The following PTPRT variants were observed in gnomAD, a reference collection of about 807,000 sequenced individuals.
PTPRT encodes protein tyrosine phosphatase receptor type T, also known as receptor-type tyrosine-protein phosphatase T.
In PTPRT, 56 loss-of-function variants were observed where a neutral mutation model predicts 176.8. The ratio of observed to expected loss-of-function variants is 0.32; its 90% CI spans 0.26 to 0.40. The LOEUF is 0.40. Among genes scored for constraint, PTPRT ranks in the 10% least tolerant of loss-of-function variants. PTPRT has a pLI of 1.00. For synonymous variants in PTPRT, 783 were observed against 739.0 expected (o/e 1.06, Z -0.96); for missense variants, 1,540 against 1,908.2 (o/e 0.81, Z 3.60).
At chr20:42,742,372 C>T (rs557761728) in intron 6 of PTPRT, among the ~76,000 whole-genome samples, 7 of 152,320 alleles carry the variant, frequency 4.6e-5, no homozygotes, top group African/African-American at 1.7e-4. Flanking sequence ...CCCGCCCTCA[C>T]GGGTTGGACA....
intron 1 of PTPRT, among the ~76,000 whole-genome samples, chr20:42,970,352 A>T (rs952034766): frequency 6.6e-6 from 1 of 152,234 alleles, no homozygotes; most frequent in African/African-American, 2.4e-5. Flanking sequence ...TTGCGCTTTT[A>T]CAATGAGAAG....
chr20:42,740,058 C>T (rs923318558), intron 6 of PTPRT, among the ~76,000 whole-genome samples: 3 of 152,272 alleles, frequency 2.0e-5, no homozygotes, highest in South Asian at 4.2e-4. Context: ...GAATCGGACG[C>T]TCAACCCTGT....
At chr20:42,094,200 A>G (rs1883379) in intron 27 of PTPRT, among the ~76,000 whole-genome samples, 13,566 of 152,230 alleles carry the variant, frequency 0.089, 1,135 homozygotes, top group African/African-American at 0.22. Flanking sequence ...AAAAGAGAAG[A>G]GCAAACAGGG....
chr20:42,041,158 T>C, the PTPRT span, among the ~76,000 whole-genome samples: 1 of 152,212 alleles, frequency 6.6e-6, no homozygotes. Flanking sequence ...CTGCTGTCCA[T>C]AGATTGCTGG....
intron 11 of PTPRT, among the ~76,000 whole-genome samples, chr20:42,346,323 G>A (rs2058194282): frequency 6.6e-6 from 1 of 152,172 alleles, no homozygotes; most frequent in Non-Finnish European, 1.5e-5. Flanking sequence ...ACTAATTCAT[G>A]GCTAAGTTAC....
intron 1 of PTPRT, among the ~76,000 whole-genome samples, chr20:42,982,627 G>T (rs186715168): frequency 2.0e-5 from 3 of 151,524 alleles, no homozygotes; most frequent in Non-Finnish European, 2.9e-5. Context: ...TAGATGGATC[G>T]AAAGGGGAGG....
intron 7 of PTPRT, among the ~76,000 whole-genome samples, chr20:42,676,052 CT>C (rs1482212372): frequency 6.6e-6 from 1 of 152,210 alleles, no homozygotes; most frequent in East Asian, 1.9e-4. Context: ...TCTACAGGCA[CT>C]TTTTCTGCAG....
At chr20:42,086,321 C>A (rs981243422) in intron 27 of PTPRT, among the ~76,000 whole-genome samples, 2 of 152,146 alleles carry the variant, frequency 1.3e-5, no homozygotes, top group African/African-American at 4.8e-5. Flanking sequence ...TCAGTTTCCC[C>A]TTTAGGGAGC....
At chr20:42,432,837 T>C (rs1215159806) in intron 9 of PTPRT, among the ~76,000 whole-genome samples, 3 of 152,168 alleles carry the variant, frequency 2.0e-5, no homozygotes, top group East Asian at 3.9e-4. Context: ...CAAACTAATA[T>C]ATACCTTCCA....
chr20:42,908,197 A>G (rs1206634911), intron 1 of PTPRT, among the ~76,000 whole-genome samples: 5 of 152,124 alleles, frequency 3.3e-5, no homozygotes, highest in Non-Finnish European at 7.4e-5. Context: ...TGTCCAGCCC[A>G]CGACCATGTG....
At chr20:42,301,385 T>A (rs914566644) in intron 12 of PTPRT, among the ~76,000 whole-genome samples, 2 of 152,060 alleles carry the variant, frequency 1.3e-5, no homozygotes, top group Non-Finnish European at 2.9e-5. Flanking sequence ...GTCAAGGGCA[T>A]AAAAGTCAAG....
intron 1 of PTPRT, among the ~76,000 whole-genome samples, chr20:42,979,711 C>T (rs1038598474): frequency 1.3e-5 from 2 of 152,036 alleles, no homozygotes; most frequent in African/African-American, 4.8e-5. Flanking sequence ...ATTCTAAATC[C>T]CCTTATCCTA....
chr20:42,243,807 G>A (rs936783378), intron 14 of PTPRT, among the ~76,000 whole-genome samples: 1 of 152,066 alleles, frequency 6.6e-6, no homozygotes, highest in Non-Finnish European at 1.5e-5. Flanking sequence ...TGATCTTTTC[G>A]AACTTCAGTT....
At position 42,500,166 on chromosome 20, in the gene PTPRT, C is replaced by T. The variant is rs1437069471; in HGVS notation, c.1154-27604G>A. 2.6e-5 allele frequency among the ~76,000 whole-genome samples: 4 copies of T among 151,560 alleles called. No individual in the cohort carries two copies. In the East Asian group the frequency reaches 5.8e-4, roughly 22 times the overall value. On this transcript the variant is annotated intron_variant, in intron 7 of 30. Transcript: ENST00000373187. ...TTTGATATATGTTTTATTTTTGTTG[C>T]TACTGTAAATGGTGTTTTTAAACTT...
At chr20:42,405,672 T>C (rs950216884) in intron 9 of PTPRT, among the ~76,000 whole-genome samples, 4 of 152,214 alleles carry the variant, frequency 2.6e-5, no homozygotes, top group African/African-American at 9.6e-5. Flanking sequence ...TGTGTTTTTA[T>C]AGCAGCATGA....
chr20:42,341,665 A>C (rs2058113186), intron 11 of PTPRT, among the ~76,000 whole-genome samples: 2 of 152,194 alleles, frequency 1.3e-5, no homozygotes, highest in South Asian at 4.2e-4. Flanking sequence ...CCTGGATGCT[A>C]ATGACTCCCA....
intron 1 of PTPRT, among the ~76,000 whole-genome samples, chr20:42,973,569 T>A (rs57237725): frequency 0.038 from 5,727 of 152,216 alleles, 382 homozygotes; most frequent in African/African-American, 0.13. Flanking sequence ...GTAAACTCTC[T>A]GTGCAGCGAC....
chr20:43,011,759 C>T (rs1379250574), intron 1 of PTPRT, among the ~76,000 whole-genome samples: 1 of 152,106 alleles, frequency 6.6e-6, no homozygotes, highest in Non-Finnish European at 1.5e-5. Context: ...AGGGTGTTGC[C>T]AAAGGAGATC....
chr20:42,718,161 T>C (rs2076253579), intron 6 of PTPRT, among the ~76,000 whole-genome samples: 1 of 152,244 alleles, frequency 6.6e-6, no homozygotes, highest in Non-Finnish European at 1.5e-5. Flanking sequence ...TCATTATGTC[T>C]AAATAATAGA....
Sources: gnomAD v4.1 joint callset for allele counts (sites outside exome capture counted in the v4.1 genomes callset) on GRCh38, gnomAD v4.1.1 for gene constraint, MANE v1.5 for transcripts, NCBI Gene and HGNC (gene_info 2026-07-23, HGNC 2026-07-21) for gene names.